DAB1: variants seen among roughly 807,000 people sequenced by gnomAD.
DAB1 encodes DAB adaptor protein 1.
Under a neutral mutation model 64.6 loss-of-function variants are expected in DAB1, and 15 were observed. That is an observed-to-expected ratio of 0.23 (90% CI 0.16 to 0.36). The LOEUF (loss-of-function observed/expected upper bound fraction) is 0.36. DAB1 is among the 10% of genes least tolerant of loss of function. The pLI is 1.00. For missense variants in DAB1, 596 were observed against 706.7 expected, an observed-to-expected ratio of 0.84 and a Z score of 1.78; for synonymous variants, 235 against 251.9, an observed-to-expected ratio of 0.93 and a Z score of 0.64.
At chr1:58,518,234 AG>A in intron 2 of DAB1, among the ~76,000 whole-genome samples, 1 of 4,692 alleles carries the variant, frequency 2.1e-4, no homozygotes, top group Non-Finnish European at 5.4e-4. Flanking sequence ...GGGAGAGGGG[AG>A]AGGGGAGAGG....
chr1:58,029,964 G>C (rs1646947644), intron 5 of DAB1, among the ~76,000 whole-genome samples: 1 of 152,286 alleles, frequency 6.6e-6, no homozygotes. Flanking sequence ...CTGGGACTTT[G>C]GGAGGCTGAG....
rs386367058 is a variant in DAB1 at position 58,344,884 on chromosome 1, A to ATTG, written n.258-1482_258-1481insCAA. On this transcript the variant is annotated intron_variant and non_coding_transcript_variant, in intron 3 of 20. Coordinates refer to the DAB1 transcript ENST00000485760. ...GCTCTTATTGAATACTCAAAATATTATTCTCTATCTTTTTCTCACTACCTT... is the reference window on the plus strand; with the variant it reads ...GCTCTTATTGAATACTCAAAATATTATTGTTCTCTATCTTTTTCTCACTACCTT... Among the ~76,000 whole-genome samples, 7 of 151,640 alleles carry ATTG rather than the reference A, an allele frequency of 4.6e-5. No individual in the cohort carries two copies. In the South Asian group the frequency reaches 1.5e-3, roughly 32 times the overall value.
chr1:58,383,213 G>C (rs12066275), intron 3 of DAB1, among the ~76,000 whole-genome samples: 5,510 of 149,352 alleles, frequency 0.037, 338 homozygotes, highest in African/African-American at 0.13. Flanking sequence ...AAACAAACTT[G>C]AGTACAGATA....
intron 5 of DAB1, among the ~76,000 whole-genome samples, chr1:58,074,579 T>G (rs1191115791): frequency 7.6e-6 from 1 of 131,288 alleles, no homozygotes; most frequent in Non-Finnish European, 1.7e-5. Flanking sequence ...TATATATATA[T>G]ATATATATAT....
intron 6 of DAB1, among the ~76,000 whole-genome samples, chr1:57,703,051 A>C (rs1224379102): frequency 6.6e-6 from 1 of 151,286 alleles, no homozygotes; most frequent in South Asian, 2.1e-4. Flanking sequence ...AGGTAGATTA[A>C]GAACTTAAAT....
intron 4 of DAB1, chr1:58,343,224 C>T (rs932106810): frequency 1.3e-5 from 2 of 149,442 alleles, no homozygotes; most frequent in Non-Finnish European, 2.9e-5. Flanking sequence ...GAGCTCTTGT[C>T]TCTATAACTG....
At chr1:58,483,313 T>A (rs1302365175) in intron 3 of DAB1, among the ~76,000 whole-genome samples, 1 of 152,082 alleles carries the variant, frequency 6.6e-6, no homozygotes, top group Non-Finnish European at 1.5e-5. Context: ...TGGGGTATGG[T>A]AGGGGCACAG....
chr1:57,204,398 C>T (rs1173756288), intron 2 of DAB1, among the ~76,000 whole-genome samples: 1 of 150,840 alleles, frequency 6.6e-6, no homozygotes, highest in East Asian at 2.0e-4. Flanking sequence ...CCTAAGGCAC[C>T]TCCACAGACC....
chr1:57,480,151 C>CAAA lies in DAB1; in HGVS notation n.625+169438_625+169440dup, dbSNP rs745322461. ...TGGGCGACAGAGCGAAACTCCGTCT[C>CAAA]AAAAAAAAAAAAAAAAGACAAAGCC... On this transcript the variant is annotated intron_variant and non_coding_transcript_variant, in intron 7 of 20. Coordinates refer to the DAB1 transcript ENST00000485760. Among the ~76,000 whole-genome samples, 886 of 100,542 alleles carry CAAA rather than the reference C, an allele frequency of 8.8e-3. 34 individuals are homozygous for CAAA. The East Asian group carries it at 0.17, about 19-fold the overall frequency. 66.0% of individuals were successfully genotyped at this position (100,542 alleles called of 152,430 possible). A position where few individuals can be genotyped will look rare whatever the true frequency, so the allele number is the denominator to read the frequency against.
chr1:57,817,569 C>T (rs368745535), intron 6 of DAB1, among the ~76,000 whole-genome samples: 1 of 152,208 alleles, frequency 6.6e-6, no homozygotes, highest in Non-Finnish European at 1.5e-5. Flanking sequence ...CACTTCTTGG[C>T]AGCCAAGGGT....
chr1:58,375,591 T>G (rs1324462002), intron 3 of DAB1, among the ~76,000 whole-genome samples: 2 of 149,682 alleles, frequency 1.3e-5, no homozygotes, highest in East Asian at 3.9e-4. Context: ...GCCAGTATTT[T>G]ATTGAAGATT....
intron 1 of DAB1, among the ~76,000 whole-genome samples, chr1:57,829,931 G>A (rs904789737): frequency 4.6e-5 from 7 of 152,226 alleles, no homozygotes; most frequent in African/African-American, 1.4e-4. Context: ...ATGATACTAT[G>A]TTGATATGTT....
At chr1:57,798,165 G>C (rs956935060) in intron 6 of DAB1, among the ~76,000 whole-genome samples, 7 of 152,168 alleles carry the variant, frequency 4.6e-5, no homozygotes, top group Non-Finnish European at 1.0e-4. Context: ...CATGTTTCAA[G>C]CTCTTTACCA....
intron 5 of DAB1, among the ~76,000 whole-genome samples, chr1:57,963,908 A>G (rs187129711): frequency 2.6e-5 from 4 of 152,350 alleles, no homozygotes; most frequent in Non-Finnish European, 5.9e-5. Flanking sequence ...CCCTGCGAAC[A>G]CTACAGGAAG....
intron 6 of DAB1, among the ~76,000 whole-genome samples, chr1:57,705,160 G>A (rs921527008): frequency 1.6e-4 from 24 of 152,064 alleles, no homozygotes; most frequent in African/African-American, 4.1e-4. Context: ...AAATGCATAG[G>A]CTAAGAGCCA....
At chr1:58,098,511 CT>C (rs1557649312) in intron 5 of DAB1, among the ~76,000 whole-genome samples, 1 of 152,164 alleles carries the variant, frequency 6.6e-6, no homozygotes, top group African/African-American at 2.4e-5. Flanking sequence ...TCTGCTGATG[CT>C]CCCTGTTGGC....
At chr1:57,582,041 CAG>C (rs1253454171) in intron 7 of DAB1, among the ~76,000 whole-genome samples, 36 of 152,076 alleles carry the variant, frequency 2.4e-4, no homozygotes, top group Non-Finnish European at 1.5e-5. Flanking sequence ...TCCCATGGAA[CAG>C]AGAGAGGAAG....
chr1:57,394,709 C>T (rs1682663969), intron 1 of DAB1, among the ~76,000 whole-genome samples: 1 of 152,144 alleles, frequency 6.6e-6, no homozygotes, highest in African/African-American at 2.4e-5. Flanking sequence ...CTACAAAAGA[C>T]CAAAGCCAAA....
At chr1:58,419,067 G>A (rs755201112) in intron 3 of DAB1, among the ~76,000 whole-genome samples, 8 of 152,160 alleles carry the variant, frequency 5.3e-5, no homozygotes, top group Non-Finnish European at 1.0e-4. Flanking sequence ...GGAGCCTATC[G>A]GATCAGCCTT....
Sources: allele counts gnomAD v4.1 joint callset (sites outside exome capture counted in the v4.1 genomes callset), GRCh38; gene constraint gnomAD v4.1.1; transcripts MANE v1.5; gene names NCBI Gene and HGNC (gene_info 2026-07-23, HGNC 2026-07-21).